The following DNAJB6 variants were observed in gnomAD, a reference collection of about 807,000 sequenced individuals.
The protein encoded by DNAJB6 is dnaJ homolog subfamily B member 6.
DNAJB6 carries 16 observed loss-of-function variants against 42.7 expected under a neutral mutation model. The ratio of observed to expected loss-of-function variants is 0.37; its 90% CI spans 0.25 to 0.57. DNAJB6 has a LOEUF of 0.57. DNAJB6 is among the 20% of genes least tolerant of loss of function. The probability of loss-of-function intolerance (pLI) is 0.74; values close to 1 mark genes in which losing one functional copy is unlikely to be tolerated. For synonymous variants in DNAJB6, 170 were observed against 163.5 expected (o/e 1.04, Z -0.30); for missense variants, 347 against 416.8 (o/e 0.83, Z 1.46).
chr7:157,409,972 G>A lies in DNAJB6; in HGVS notation c.869G>A (p.Gly290Glu), dbSNP rs765439077. 14 of 1,535,054 alleles carry A rather than the reference G, an allele frequency of 9.1e-6. No individual in the cohort carries two copies. Among genetic ancestry groups the A allele is most frequent in the Non-Finnish European group, 1.2e-5 (14 of 1,144,072 alleles). The part of the protein sequence containing the change: ...EGEQDRPRAP[G>E]PWDPLASAAG... ...GAGCAGGACCGACCTCGGGCACCCG[G>A]GCCCTGGGACCCCCTCGCGTCCGCA... The change falls in exon 9 of 10, where the codon GGG (glycine) becomes GAG (glutamate). Residue 290 changes from glycine (G) to glutamate (E), a missense_variant. Gly to Glu is a moderately conservative substitution (Grantham distance 98). Transcript: ENST00000262177.
chr7:157,414,640 C>G (rs1455708419), intron 9 of DNAJB6: 1 of 152,300 alleles, frequency 6.6e-6, no homozygotes, highest in Admixed American at 6.5e-5. Flanking sequence ...GCGGTTAGGA[C>G]GCGCTCCTCT....
chr7:157,370,222 C>CACATTATTATTAAACAGGCCCTTTCTTA (rs1563129156), intron 5 of DNAJB6, among the ~76,000 whole-genome samples: 12 of 102,882 alleles, frequency 1.2e-4, no homozygotes, highest in Non-Finnish European at 2.5e-4. Flanking sequence ...GCCCTTTCTT[C>CACATTATTATTAAACAGGCCCTTTCTTA]ACATTATTAT....
At chr7:157,339,281 C>CTT (rs34284253) in intron 1 of DNAJB6, among the ~76,000 whole-genome samples, 1,716 of 68,260 alleles carry the variant, frequency 0.025, 328 homozygotes, top group Non-Finnish European at 0.034. Context: ...CTGTTTGCAC[C>CTT]TTTTTTTTTT....
intron 1 of DNAJB6, among the ~76,000 whole-genome samples, chr7:157,349,191 T>G (rs1798844177): frequency 6.6e-6 from 1 of 152,154 alleles, no homozygotes; most frequent in Non-Finnish European, 1.5e-5. Context: ...CATGTGCATA[T>G]TTGTCTACAT....
At chr7:157,373,236 C>G (rs1386868936) in intron 5 of DNAJB6, among the ~76,000 whole-genome samples, 1 of 152,196 alleles carries the variant, frequency 6.6e-6, no homozygotes, top group Non-Finnish European at 1.5e-5. Flanking sequence ...CATGATTCAA[C>G]CACTTTAACA....
chr7:157,410,276 C>G, intron 9 of DNAJB6: 2 of 658,318 alleles, frequency 3.0e-6, no homozygotes, highest in Non-Finnish European at 4.6e-6. Flanking sequence ...GCTGCCACGG[C>G]AGTGCGAGGT....
chr7:157,366,292 A>T (rs973827803), intron 3 of DNAJB6, among the ~76,000 whole-genome samples: 2 of 152,212 alleles, frequency 1.3e-5, no homozygotes, highest in African/African-American at 4.8e-5. Flanking sequence ...AAAATTCAAC[A>T]TACTGAATTT....
intron 1 of DNAJB6, among the ~76,000 whole-genome samples, chr7:157,341,282 T>A (rs13309867): frequency 4.0e-5 from 6 of 151,624 alleles, no homozygotes; most frequent in East Asian, 1.9e-4. Flanking sequence ...CTGCCACTGC[T>A]CCCGACTGAT....
chr7:157,388,736 A>G (rs1211580644), intron 8 of DNAJB6, among the ~76,000 whole-genome samples: 1 of 152,118 alleles, frequency 6.6e-6, no homozygotes, highest in Non-Finnish European at 1.5e-5. Flanking sequence ...TGTTGTACCC[A>G]AAGTGTAGTT....
intron 2 of DNAJB6, among the ~76,000 whole-genome samples, chr7:157,360,491 AC>A (rs1170555846): frequency 1.4e-4 from 22 of 152,192 alleles, no homozygotes; most frequent in Non-Finnish European, 2.6e-4. Context: ...GAAATTACAT[AC>A]CTTTATGATA....
chr7:157,340,998 G>GTGTGCGCGCGCGCGCGCGCT lies in DNAJB6; in HGVS notation c.-27+3854_-27+3855insTGTGCGCGCGCGCGCGCGCT, dbSNP rs67210462. 2.2e-3 allele frequency among the ~76,000 whole-genome samples: 300 copies of GTGTGCGCGCGCGCGCGCGCT among 134,998 alleles called. 1 individual carries two copies. Among genetic ancestry groups the GTGTGCGCGCGCGCGCGCGCT allele is most frequent in the East Asian group, 5.8e-3 (27 of 4,660 alleles). The allele number at this position is 134,998 out of a possible 152,430, so 88.6% of individuals were successfully genotyped here. On this transcript the variant is annotated intron_variant, in intron 1 of 9. Transcript: ENST00000262177. The stretch of plus-strand genomic sequence containing the variant: ...TGTGTGTGTGTGTGTGTGTGTGTGT[G>GTGTGCGCGCGCGCGCGCGCT]CGCGCGCGCAGGTGGAATCACCCTG...
At chr7:157,397,639 C>T (rs188555659) in intron 8 of DNAJB6, among the ~76,000 whole-genome samples, 76 of 152,364 alleles carry the variant, frequency 5.0e-4, no homozygotes, top group African/African-American at 1.7e-3. Context: ...GCCCTGGGCA[C>T]GTCCCCGTGC....
At chr7:157,359,629 G>A (rs1029008783) in intron 2 of DNAJB6, among the ~76,000 whole-genome samples, 2 of 152,132 alleles carry the variant, frequency 1.3e-5, no homozygotes, top group African/African-American at 4.8e-5. Context: ...TTTGAGACCA[G>A]CCTGGGCAAC....
At chr7:157,350,824 C>T (rs1317982178) in intron 1 of DNAJB6, among the ~76,000 whole-genome samples, 3 of 150,922 alleles carry the variant, frequency 2.0e-5, no homozygotes, top group Non-Finnish European at 4.4e-5. Flanking sequence ...CGAGTCTTAG[C>T]TGGCGTTACA....
chr7:157,399,988 A>G lies in DNAJB6; in HGVS notation c.692-9807A>G, dbSNP rs951820569. ...CCGGCCTGTATTTTGTCAGGAGAAT[A>G]TCAGCATGAGTTAAGTTTATGATGC... On this transcript the variant is annotated intron_variant, in intron 8 of 9. Coordinates refer to ENST00000262177, the MANE Select transcript of DNAJB6 (RefSeq NM_058246.4). 3.9e-5 allele frequency among the ~76,000 whole-genome samples: 6 copies of G among 152,344 alleles called. No individual in the cohort carries two copies. The South Asian group carries it at 6.2e-4, about 16-fold the overall frequency.
intron 1 of DNAJB6, among the ~76,000 whole-genome samples, chr7:157,343,676 T>A (rs1798535879): frequency 6.6e-6 from 1 of 152,010 alleles, no homozygotes; most frequent in African/African-American, 2.4e-5. Context: ...CTCAAACTCC[T>A]GACCCCAGGT....
chr7:157,346,572 G>GA (rs535046101), intron 1 of DNAJB6, among the ~76,000 whole-genome samples: 56 of 151,298 alleles, frequency 3.7e-4, no homozygotes, highest in Non-Finnish European at 7.7e-4. Flanking sequence ...GAGGTCTGAG[G>GA]AAAAAAAAGA....
In DNAJB6 at chr7:157,367,194, T is replaced by A. The variant is rs1799886983; in HGVS notation, c.236-179T>A. 1.3e-5 allele frequency among the ~76,000 whole-genome samples: 2 copies of A among 152,218 alleles called. 1 individual carries two copies. Among genetic ancestry groups the A allele is most frequent in the South Asian group, 4.1e-4 (2 of 4,826 alleles). ...TGCTGCACTCATATGCCATCAGCGC[T>A]GGGCACACTCACTCTCTGTCAGTAC... On this transcript the variant is annotated intron_variant, in intron 4 of 9. Coordinates refer to ENST00000262177, the MANE Select transcript of DNAJB6 (RefSeq NM_058246.4).
chr7:157,369,165 G>T (rs1331996618), intron 5 of DNAJB6: 1 of 410,382 alleles, frequency 2.4e-6, no homozygotes, highest in African/African-American at 2.1e-5. Context: ...TCGTTTAAGT[G>T]CATTTGCTGT....
Sources: gnomAD v4.1 joint callset for allele counts (sites outside exome capture counted in the v4.1 genomes callset) on GRCh38, gnomAD v4.1.1 for gene constraint, MANE v1.5 for transcripts, NCBI Gene and HGNC (gene_info 2026-07-23, HGNC 2026-07-21) for gene names.